Variants in KHDC1 observed in about 807,000 individuals in gnomAD.
KHDC1 encodes the protein KH domain containing 1, also known as KH homology domain-containing protein 1.
In KHDC1, 21 loss-of-function variants were observed where a neutral mutation model predicts 24.7. The observed-to-expected ratio is 0.85, with a 90% CI of 0.60 to 1.23. The LOEUF (loss-of-function observed/expected upper bound fraction) is 1.23, where lower values mean the gene tolerates loss of function less well. Among genes scored for constraint, KHDC1 ranks in the 50% most tolerant of loss-of-function variants. The pLI is 0.00. For missense variants in KHDC1, 274 were observed against 298.5 expected, an observed-to-expected ratio of 0.92 and a Z score of 0.61; for synonymous variants, 98 against 111.7, an observed-to-expected ratio of 0.88 and a Z score of 0.77.
intron 2 of KHDC1, among the ~76,000 whole-genome samples, chr6:73,265,053 TG>T (rs3832418): frequency 0.12 from 17,759 of 152,088 alleles, 1,330 homozygotes; most frequent in East Asian, 0.21. Context: ...TTTGGTTGGA[TG>T]CAGGGTGTAG....
At chr6:73,309,465 T>C in intron 1 of KHDC1, 2 of 1,331,442 alleles carry the variant, frequency 1.5e-6, no homozygotes, top group Non-Finnish European at 2.0e-6. Context: ...GCTGGAGTGA[T>C]CCTGAAAGAT....
chr6:73,262,897 G>A (rs1356563476), intron 2 of KHDC1: 1 of 986,678 alleles, frequency 1.0e-6, no homozygotes. Context: ...TGATGCCGCC[G>A]GGAACCCAGG....
chr6:73,298,253 A>C (rs919060503), intron 1 of KHDC1, among the ~76,000 whole-genome samples: 5 of 151,824 alleles, frequency 3.3e-5, no homozygotes, highest in Admixed American at 1.3e-4. Flanking sequence ...GCTATGGAGG[A>C]GGGAGAGTAG....
rs367951157 is a variant in KHDC1, at chr6:73,296,974, C to T, written c.164-4934G>A. ...AGAGTGCGGCAGTGCGATCTCAGCT[C>T]ACTGCAACCTCTGCCTCCTGAGTTC... On this transcript the variant is annotated intron_variant, in intron 1 of 4. Coordinates refer to ENST00000370384, the Ensembl canonical transcript of KHDC1. 1.1e-3 allele frequency among the ~76,000 whole-genome samples: 174 copies of T among 152,298 alleles called. 1 individual carries two copies. Among genetic ancestry groups the T allele is most frequent in the African/African-American group, 4.0e-3 (167 of 41,570 alleles).
intron 2 of KHDC1, among the ~76,000 whole-genome samples, chr6:73,253,111 T>C (rs1342627147): frequency 6.6e-6 from 1 of 152,146 alleles, no homozygotes; most frequent in East Asian, 1.9e-4. Flanking sequence ...GTTTTACTAA[T>C]GCATGAAAAG....
intron 1 of KHDC1, among the ~76,000 whole-genome samples, chr6:73,298,423 ATTTTTTTTT>A (rs370446904): frequency 3.8e-4 from 23 of 59,976 alleles, no homozygotes; most frequent in African/African-American, 1.7e-3. Context: ...TACTTTGCAA[ATTTTTTTTT>A]TTTTTTTTTT....
chr6:73,241,470 A>G (rs895459650), exon 5 of KHDC1: 16 of 1,549,768 alleles, frequency 1.0e-5, no homozygotes, highest in African/African-American at 4.1e-5. Flanking sequence ...CTTTCTCACC[A>G]AAAGTGAAGC....
chr6:73,298,047 C>T (rs776571879), intron 1 of KHDC1, among the ~76,000 whole-genome samples: 2 of 151,932 alleles, frequency 1.3e-5, no homozygotes, highest in Admixed American at 6.6e-5. Flanking sequence ...TAAAATTAGC[C>T]GGGCATGGTG....
At chr6:73,258,411 C>T (rs1766921255) in intron 2 of KHDC1, among the ~76,000 whole-genome samples, 1 of 151,896 alleles carries the variant, frequency 6.6e-6, no homozygotes, top group Admixed American at 6.6e-5. Flanking sequence ...CCACTGCACT[C>T]CGGCCTAGGT....
intron 2 of KHDC1, among the ~76,000 whole-genome samples, chr6:73,256,362 T>C (rs1404285178): frequency 6.6e-6 from 1 of 152,170 alleles, no homozygotes; most frequent in Non-Finnish European, 1.5e-5. Context: ...AAAATATTAT[T>C]CTCCCATTAA....
chr6:73,250,402 G>T (rs1766757918), intron 2 of KHDC1, among the ~76,000 whole-genome samples: 1 of 152,176 alleles, frequency 6.6e-6, no homozygotes, highest in African/African-American at 2.4e-5. Context: ...ACACAAAAAA[G>T]AACTTGTCTA....
chr6:73,292,861 T>C, intron 1 of KHDC1: 1 of 723,342 alleles, frequency 1.4e-6, no homozygotes, highest in Non-Finnish European at 2.5e-6. Flanking sequence ...TTGACTTAGA[T>C]GGGGCTAAGA....
chr6:73,289,229 G>C (rs1421445225), intron 2 of KHDC1, among the ~76,000 whole-genome samples: 1 of 147,792 alleles, frequency 6.8e-6, no homozygotes, highest in Admixed American at 6.9e-5. Context: ...AGCTACTCAG[G>C]AGGCTGAGGT....
intron 2 of KHDC1, chr6:73,269,893 G>A (rs1767150193): frequency 6.6e-6 from 1 of 152,036 alleles, no homozygotes; most frequent in Non-Finnish European, 1.5e-5. Context: ...TCAGTCTCCT[G>A]AGCAGCTGGG....
chr6:73,272,782 GA>G lies in KHDC1; in HGVS notation c.206+19215del, dbSNP rs1444316943. Among the ~76,000 whole-genome samples the G allele has an allele frequency of 2.5e-3, 374 of 150,074 alleles. 2 individuals are homozygous for G. The highest frequency in any genetic ancestry group is 8.5e-3 in the African/African-American group (347 of 41,020). On this transcript the variant is annotated intron_variant, in intron 2 of 4. Transcript: ENST00000370384. Reference sequence around the variant, plus strand: ...CAGAGCAAGACTCCATCCCGGGGGGGAAAAGAAAAAAACAGGGAGAGATCTT... The same window carrying G: ...CAGAGCAAGACTCCATCCCGGGGGGGAAAGAAAAAAACAGGGAGAGATCTT...
rs926073776 is a variant in KHDC1, at chr6:73,295,746, T to C, written c.164-3706A>G. On this transcript the variant is annotated intron_variant, in intron 1 of 4. Coordinates refer to ENST00000370384, the Ensembl canonical transcript of KHDC1. Reference sequence around the variant, plus strand: ...CTGTAGTCCCAGCTACTCGGGAGGTTGAGGCAGGAGAATCACTTGAACCTG... The same window carrying C: ...CTGTAGTCCCAGCTACTCGGGAGGTCGAGGCAGGAGAATCACTTGAACCTG... Among the ~76,000 whole-genome samples the C allele has an allele frequency of 3.9e-4, 59 of 151,620 alleles. 1 individual carries two copies. The highest frequency in any genetic ancestry group is 1.4e-3 in the African/African-American group (59 of 41,314).
chr6:73,293,296 T>A (rs1228230042), intron 1 of KHDC1: 7 of 574,376 alleles, frequency 1.2e-5, no homozygotes. Context: ...AAGGAAAAGA[T>A]TTTAAAAAAA....
chr6:73,306,326 C>T (rs1767961374), intron 1 of KHDC1, among the ~76,000 whole-genome samples: 1 of 152,000 alleles, frequency 6.6e-6, no homozygotes. Context: ...CTCCCTCACC[C>T]GACACCCCGA....
chr6:73,254,831 T>G (rs536824731), intron 2 of KHDC1, among the ~76,000 whole-genome samples: 1 of 152,038 alleles, frequency 6.6e-6, no homozygotes, highest in South Asian at 2.1e-4. Context: ...TGAAACCCCG[T>G]CTCTACTAAA....
Sources: allele counts gnomAD v4.1 joint callset (sites outside exome capture counted in the v4.1 genomes callset), GRCh38; gene constraint gnomAD v4.1.1; transcripts MANE v1.5; gene names NCBI Gene and HGNC (gene_info 2026-07-23, HGNC 2026-07-21).